Variants in PCDH15 observed in about 807,000 individuals in gnomAD.
The protein encoded by PCDH15 is protocadherin-15.
A neutral mutation model predicts 178.5 loss-of-function variants in PCDH15; 129 were observed. The observed-to-expected ratio is 0.72, with a 90% CI of 0.63 to 0.84. PCDH15 has a LOEUF of 0.84. Ranked by LOEUF, PCDH15 falls within the 40% of genes least tolerant of loss-of-function variation. The pLI is 0.00. For missense variants in PCDH15, 2,230 were observed against 2,099.9 expected (o/e 1.06, Z -1.21); for synonymous variants, 800 against 732.0 (o/e 1.09, Z -1.50).
Position 54,743,761 on chromosome 10 carries a change from C to T in PCDH15, c.-29+57164G>A, listed in dbSNP as rs558474052. Among the ~76,000 whole-genome samples, 4 of 150,220 alleles carry T rather than the reference C, an allele frequency of 2.7e-5. No homozygotes were observed. In the East Asian group the frequency reaches 8.1e-4, roughly 31 times the overall value. On this transcript the variant is annotated intron_variant, in intron 1 of 37. Transcript: ENST00000644397. ...GCTCCTAAATATTAAGGATAACATG[C>T]TAAAATTTGTCTTTATCCCCATGTT... is the stretch of plus-strand genomic sequence containing the variant.
chr10:54,377,313 G>A lies in PCDH15; in HGVS notation c.318+1469C>T, dbSNP rs12247218. Among the ~76,000 whole-genome samples, 885 of 152,130 alleles carry A rather than the reference G, an allele frequency of 5.8e-3. 12 individuals are homozygous for A. Among genetic ancestry groups the A allele is most frequent in the African/African-American group, 0.021 (867 of 41,510 alleles). ...TTAAATGAGACTGTAATTTCCAGTA[G>A]TGATTAGATTTGGACTAAAAGCCCA... On this transcript the variant is annotated intron_variant, in intron 4 of 37. Coordinates refer to ENST00000644397, the MANE Select transcript of PCDH15 (RefSeq NM_001384140.1).
At chr10:54,235,829 T>C (rs1195471615) in intron 9 of PCDH15, among the ~76,000 whole-genome samples, 2 of 152,204 alleles carry the variant, frequency 1.3e-5, no homozygotes, top group Non-Finnish European at 2.9e-5. Context: ...AAGATCTCTA[T>C]AGACTTAAAA....
chr10:54,657,623 A>G (rs967692483), intron 2 of PCDH15, among the ~76,000 whole-genome samples: 4 of 152,198 alleles, frequency 2.6e-5, no homozygotes, highest in African/African-American at 7.2e-5. Flanking sequence ...GGAACCCATA[A>G]AGAACTTTGG....
At chr10:54,485,878 A>G (rs993826864) in intron 3 of PCDH15, among the ~76,000 whole-genome samples, 3 of 152,080 alleles carry the variant, frequency 2.0e-5, no homozygotes, top group Non-Finnish European at 4.4e-5. Flanking sequence ...AAATTCTTTA[A>G]AGCTCTTTTG....
intron 8 of PCDH15, among the ~76,000 whole-genome samples, chr10:54,307,918 A>T (rs1175903148): frequency 6.6e-6 from 1 of 152,014 alleles, no homozygotes; most frequent in Non-Finnish European, 1.5e-5. Flanking sequence ...GCCAATAATA[A>T]TAGTAACAAT....
intron 2 of PCDH15, among the ~76,000 whole-genome samples, chr10:54,960,457 G>A (rs188451558): frequency 1.3e-5 from 2 of 152,176 alleles, no homozygotes; most frequent in Non-Finnish European, 2.9e-5. Flanking sequence ...GGTGCCTATA[G>A]GCACACTACC....
At chr10:54,975,574 G>C (rs934208370) in intron 2 of PCDH15, among the ~76,000 whole-genome samples, 2 of 152,096 alleles carry the variant, frequency 1.3e-5, no homozygotes, top group Admixed American at 1.3e-4. Flanking sequence ...GATGAGAAGT[G>C]GTGGTGGCAG....
chr10:55,104,196 AT>A lies in PCDH15; in HGVS notation c.-80+62379del, dbSNP rs34411241. Among the ~76,000 whole-genome samples the A allele has an allele frequency of 1.5e-3, 229 of 149,048 alleles. 1 individual carries two copies. Among genetic ancestry groups the A allele is most frequent in the African/African-American group, 3.1e-3 (127 of 40,940 alleles). ...TCTAGTAATAAATATCCTTTGTAGC[AT>A]TTTTTTTTTCAGAATAGGGCACTTT... is the stretch of plus-strand genomic sequence containing the variant. On this transcript the variant is annotated intron_variant, in intron 2 of 5. Transcript: ENST00000458638.
chr10:55,554,348 T>C (rs906765871), intron 2 of PCDH15, among the ~76,000 whole-genome samples: 1 of 152,080 alleles, frequency 6.6e-6, no homozygotes, highest in African/African-American at 2.4e-5. Context: ...AATTTATTAA[T>C]AGACTATATT....
chr10:55,575,832 A>C (rs1842487849), intron 2 of PCDH15: 1 of 152,214 alleles, frequency 6.6e-6, no homozygotes, highest in African/African-American at 2.4e-5. Context: ...TACTTCTTCA[A>C]GGTACTTAGA....
intron 1 of PCDH15, among the ~76,000 whole-genome samples, chr10:54,708,749 T>C (rs2095393753): frequency 6.6e-6 from 1 of 151,818 alleles, no homozygotes; most frequent in African/African-American, 2.4e-5. Context: ...CTTAAGGCTG[T>C]CAGAATCACC....
chr10:54,776,167 C>T (rs1428172418), intron 1 of PCDH15, among the ~76,000 whole-genome samples: 1 of 152,068 alleles, frequency 6.6e-6, no homozygotes, highest in African/African-American at 2.4e-5. Flanking sequence ...TTTATTCAGT[C>T]ATCCACTGAT....
intron 36 of PCDH15, 106 bp from the exon 37 acceptor site, chr10:53,810,770 T>C (rs1349825623): frequency 2.0e-6 from 2 of 1,010,628 alleles, no homozygotes; most frequent in Non-Finnish European, 3.1e-6. Context: ...AATCGACAGA[T>C]ATTTACACAG....
chr10:54,015,788 T>C (rs2092721765), intron 20 of PCDH15, among the ~76,000 whole-genome samples: 1 of 151,936 alleles, frequency 6.6e-6, no homozygotes, highest in Non-Finnish European at 1.5e-5. Context: ...AACCTAAAAC[T>C]ATAAAAACAC....
At chr10:55,248,456 C>A (rs1841742310) in intron 1 of PCDH15, among the ~76,000 whole-genome samples, 1 of 151,986 alleles carries the variant, frequency 6.6e-6, no homozygotes, top group South Asian at 2.1e-4. Flanking sequence ...CTATTCAATT[C>A]ATCTGTAATG....
chr10:54,616,609 A>G (rs955453946), intron 2 of PCDH15, among the ~76,000 whole-genome samples: 4 of 152,116 alleles, frequency 2.6e-5, no homozygotes, highest in African/African-American at 9.6e-5. Flanking sequence ...TTAAAAAATT[A>G]ACTCTAGTTA....
chr10:55,434,454 G>A (rs1838983564), intron 2 of PCDH15, among the ~76,000 whole-genome samples: 1 of 151,914 alleles, frequency 6.6e-6, no homozygotes, highest in South Asian at 2.1e-4. Flanking sequence ...ATTATTATTG[G>A]TATGGTTTTT....
At chr10:55,073,313 C>A (rs1014726496) in intron 2 of PCDH15, among the ~76,000 whole-genome samples, 1 of 152,112 alleles carries the variant, frequency 6.6e-6, no homozygotes, top group African/African-American at 2.4e-5. Context: ...CAAATTGTCC[C>A]TGTTTGCAGA....
chr10:54,733,478 A>G (rs1943676444), intron 1 of PCDH15, among the ~76,000 whole-genome samples: 1 of 151,522 alleles, frequency 6.6e-6, no homozygotes, highest in Admixed American at 6.6e-5. Flanking sequence ...GGCCTAAGTG[A>G]TGGGTATACA....
Sources: allele counts gnomAD v4.1 joint callset (sites outside exome capture counted in the v4.1 genomes callset), GRCh38; gene constraint gnomAD v4.1.1; transcripts MANE v1.5; gene names NCBI Gene and HGNC (gene_info 2026-07-23, HGNC 2026-07-21).